The following STRIT1 variants were observed in gnomAD, a reference collection of about 807,000 sequenced individuals.
STRIT1 encodes sarcoplasmic/endoplasmic reticulum calcium ATPase regulator DWORF.
intron 1 of STRIT1, among the ~76,000 whole-genome samples, chr3:155,291,510 A>G (rs1715637053): frequency 6.6e-6 from 1 of 152,328 alleles, no homozygotes; most frequent in East Asian, 1.9e-4. Flanking sequence ...AAAGTAAATA[A>G]TTATAACACA....
At chr3:155,292,031 TA>T (rs1715649971) in intron 1 of STRIT1, among the ~76,000 whole-genome samples, 1 of 152,198 alleles carries the variant, frequency 6.6e-6, no homozygotes, top group Non-Finnish European at 1.5e-5. Context: ...ATTATACTCC[TA>T]TTACAATTTC....
chr3:155,292,992 C>T (rs1158895898), intron 1 of STRIT1, among the ~76,000 whole-genome samples: 2 of 152,112 alleles, frequency 1.3e-5, no homozygotes, highest in African/African-American at 4.8e-5. Context: ...TGATGATATG[C>T]ATATTTCACA....
intron 1 of STRIT1, 173 bp from the exon 2 acceptor site, chr3:155,291,211 A>T: frequency 2.7e-6 from 1 of 377,046 alleles, no homozygotes; most frequent in Admixed American, 4.5e-5. Context: ...ACTGTCATAA[A>T]CCCTGGGTAT....
In STRIT1 at chr3:155,290,583, T is replaced by A. The variant is rs1303598893; in HGVS notation, c.*268A>T. ...GGGAAGGGGGGATAATTTTTTGTAA[T>A]GTGATTAAATTTATCAAACTTTTTT... is the stretch of plus-strand genomic sequence containing the variant. On this transcript the variant is annotated 3_prime_UTR_variant, in exon 3 of 3. Coordinates refer to ENST00000489090, the MANE Select transcript of STRIT1 (RefSeq NM_001352129.2). 6.5e-6 allele frequency: 1 copy of A among 154,232 alleles called. No individual in the cohort carries two copies. Among genetic ancestry groups the A allele is most frequent in the East Asian group, 1.9e-4 (1 of 5,354 alleles). 9.6% of individuals were successfully genotyped at this position (154,232 alleles called of 1,614,324 possible).
intron 1 of STRIT1, among the ~76,000 whole-genome samples, chr3:155,291,763 C>T (rs1393267712): frequency 6.6e-6 from 1 of 152,124 alleles, no homozygotes; most frequent in Non-Finnish European, 1.5e-5. Flanking sequence ...TATTTGTACT[C>T]TTACCTGTAA....
At chr3:155,293,583 T>C (rs1415485311) in intron 1 of STRIT1, 37 bp downstream of exon 1, 4 of 398,334 alleles carry the variant, frequency 1.0e-5, no homozygotes, top group Non-Finnish European at 1.8e-5. Flanking sequence ...GCCTTTTTTT[T>C]TTTTTTGCCA....
chr3:155,292,659 A>G (rs998932503), intron 1 of STRIT1, among the ~76,000 whole-genome samples: 29 of 152,304 alleles, frequency 1.9e-4, no homozygotes, highest in Middle Eastern at 3.4e-3. Context: ...TTTTAACACT[A>G]ATGTTTTCAA....
rs1158207868 is a variant in STRIT1 at position 155,290,749 on chromosome 3, G to A, written c.*102C>T. 2.7e-6 allele frequency: 1 copy of A among 366,814 alleles called. No homozygotes were observed. The highest frequency in any genetic ancestry group is 4.8e-6 in the Non-Finnish European group (1 of 206,556). The allele number at this position is 366,814 out of a possible 1,614,324, so 22.7% of individuals were successfully genotyped here. ...TTATGATCCAAGTTTGTAAAGTGAT[G>A]TCAAACATTGCATTGTTTAACATGA... On this transcript the variant is annotated 3_prime_UTR_variant, in exon 3 of 3. Transcript: ENST00000489090.
chr3:155,292,976 GGAT>G (rs1363299888), intron 1 of STRIT1, among the ~76,000 whole-genome samples: 1 of 151,898 alleles, frequency 6.6e-6, no homozygotes. Context: ...TATAAAATGG[GGAT>G]GATGATGATA....
chr3:155,291,307 T>G (rs1036970463), intron 1 of STRIT1: 2 of 273,938 alleles, frequency 7.3e-6, no homozygotes, highest in Non-Finnish European at 1.3e-5. Flanking sequence ...ATATGAATAA[T>G]GAAACTTGTG....
chr3:155,293,345 T>C (rs1035476235), intron 1 of STRIT1, among the ~76,000 whole-genome samples: 1 of 152,108 alleles, frequency 6.6e-6, no homozygotes, highest in Non-Finnish European at 1.5e-5. Context: ...TCAGGAGAAC[T>C]GATTTCTAAC....
intron 1 of STRIT1, among the ~76,000 whole-genome samples, chr3:155,292,081 AAAT>A (rs1328101712): frequency 6.6e-6 from 1 of 152,194 alleles, no homozygotes; most frequent in African/African-American, 2.4e-5. Flanking sequence ...AATGCTATTA[AAAT>A]AAAATCATCA....
rs1382774744 is a variant in STRIT1 at position 155,293,608 on chromosome 3, C to T, written c.13+12G>A. 5.0e-6 allele frequency: 2 copies of T among 397,260 alleles called. No homozygotes were observed. 24.6% of individuals were successfully genotyped at this position (397,260 alleles called of 1,614,324 possible). A position where few individuals can be genotyped will look rare whatever the true frequency, so the allele number is the denominator to read the frequency against. On this transcript the variant is annotated intron_variant, in intron 1 of 2. Transcript: ENST00000489090. ...TTTTTTTGCCAAGAGAATCCTATGC[C>T]TTAAATCTTACCTTTTTCAGCCATT...
chr3:155,293,512 T>C, intron 1 of STRIT1, 108 bp downstream of exon 1: 1 of 397,412 alleles, frequency 2.5e-6, no homozygotes, highest in Non-Finnish European at 4.4e-6. Context: ...TTAGCATAGA[T>C]ATCACATTTT....
chr3:155,292,649 T>C (rs967516908), intron 1 of STRIT1, among the ~76,000 whole-genome samples: 1 of 152,236 alleles, frequency 6.6e-6, no homozygotes, highest in Non-Finnish European at 1.5e-5. Context: ...TCCATTGTTT[T>C]TTTAACACTA....
In STRIT1 at chr3:155,290,628, T is replaced by A. The variant is rs1215819694; in HGVS notation, c.*223A>T. Reference sequence around the variant, plus strand: ...TTTTTTTAATGACATGCATTTTTCATCACAGCTAAACATTTTTCTCACTCA... The same window carrying A: ...TTTTTTTAATGACATGCATTTTTCAACACAGCTAAACATTTTTCTCACTCA... On this transcript the variant is annotated 3_prime_UTR_variant, in exon 3 of 3. Coordinates refer to ENST00000489090, the MANE Select transcript of STRIT1 (RefSeq NM_001352129.2). The A allele has an allele frequency of 5.3e-6, 1 of 188,240 alleles. No individual in the cohort carries two copies. Among genetic ancestry groups the A allele is most frequent in the African/African-American group, 2.3e-5 (1 of 43,040 alleles). 11.7% of individuals were successfully genotyped at this position (188,240 alleles called of 1,614,324 possible). A position where few individuals can be genotyped will look rare whatever the true frequency, so the allele number is the denominator to read the frequency against.
In STRIT1 at chr3:155,290,448, T is replaced by G; in HGVS notation, c.*403A>C. 1 of 124,066 alleles carries G rather than the reference T, an allele frequency of 8.1e-6. No individual in the cohort carries two copies. The highest frequency in any genetic ancestry group is 9.9e-5 in the Admixed American group (1 of 10,140). 7.7% of individuals were successfully genotyped at this position (124,066 alleles called of 1,614,324 possible). A position where few individuals can be genotyped will look rare whatever the true frequency, so the allele number is the denominator to read the frequency against. The stretch of plus-strand genomic sequence containing the variant: ...AGAGATGGGGTCTCTCTCTGTCGCC[T>G]AGGAAGGTCTCCAATTTCTGGGCTC... On this transcript the variant is annotated 3_prime_UTR_variant, in exon 3 of 3. Coordinates refer to ENST00000489090, the MANE Select transcript of STRIT1 (RefSeq NM_001352129.2).
Position 155,292,322 on chromosome 3 carries a change from A to G in STRIT1, c.14-1284T>C, listed in dbSNP as rs1160550352. ...CTTTACTTGACATGTGGTATTGCTTAAGGATAAAGCAAACAACATGAGTTG... is the reference window on the plus strand; with the variant it reads ...CTTTACTTGACATGTGGTATTGCTTGAGGATAAAGCAAACAACATGAGTTG... On this transcript the variant is annotated intron_variant, in intron 1 of 2. Coordinates refer to ENST00000489090, the MANE Select transcript of STRIT1 (RefSeq NM_001352129.2). Among the ~76,000 whole-genome samples the G allele has an allele frequency of 3.3e-5, 5 of 152,160 alleles. No individual in the cohort carries two copies. In the East Asian group the frequency reaches 9.6e-4, roughly 29 times the overall value.
intron 1 of STRIT1, 62 bp from the exon 2 acceptor site, chr3:155,291,100 C>A: frequency 2.5e-6 from 1 of 397,422 alleles, no homozygotes; most frequent in South Asian, 1.3e-4. Context: ...TTTTCTGTGT[C>A]AAGAGAATAA....
Sources: gnomAD v4.1 joint callset for allele counts (sites outside exome capture counted in the v4.1 genomes callset) on GRCh38, gnomAD v4.1.1 for gene constraint, MANE v1.5 for transcripts, NCBI Gene and HGNC (gene_info 2026-07-23, HGNC 2026-07-21) for gene names.